The following RFX8 variants were observed in gnomAD, a reference collection of about 807,000 sequenced individuals.
The protein encoded by RFX8 is regulatory factor X8.
Under a neutral mutation model 54.6 loss-of-function variants are expected in RFX8, and 46 were observed. The ratio of observed to expected loss-of-function variants is 0.84; its 90% confidence interval spans 0.67 to 1.08. The LOEUF (loss-of-function observed/expected upper bound fraction) is 1.08. Among genes scored for constraint, RFX8 ranks in the 50% least tolerant of loss-of-function variants. The pLI is 0.00. For missense variants in RFX8, 536 were observed against 562.3 expected, an observed-to-expected ratio of 0.95 and a Z score of 0.47; for synonymous variants, 192 against 209.5, an observed-to-expected ratio of 0.92 and a Z score of 0.72.
At chr2:101,464,532 C>T (rs967855281) in intron 2 of RFX8, among the ~76,000 whole-genome samples, 1 of 152,142 alleles carries the variant, frequency 6.6e-6, no homozygotes, top group Non-Finnish European at 1.5e-5. Flanking sequence ...TGTAAACATA[C>T]GTTGGGATCA....
intron 2 of RFX8, among the ~76,000 whole-genome samples, chr2:101,434,139 A>T (rs1252814340): frequency 2.0e-5 from 3 of 152,330 alleles, no homozygotes; most frequent in Non-Finnish European, 2.9e-5. Context: ...GGACAAACAG[A>T]ATTCACAGAG....
At chr2:101,409,367 C>T (rs533381306) in intron 9 of RFX8, among the ~76,000 whole-genome samples, 26 of 150,746 alleles carry the variant, frequency 1.7e-4, no homozygotes, top group East Asian at 9.9e-4. Context: ...GGACTACAGG[C>T]GCATGACATC....
At chr2:101,409,686 G>T (rs893183696) in intron 9 of RFX8, among the ~76,000 whole-genome samples, 1 of 152,194 alleles carries the variant, frequency 6.6e-6, no homozygotes, top group African/African-American at 2.4e-5. Context: ...TTTTAGGAGA[G>T]ACAGGGTTTC....
chr2:101,426,709 G>T (rs976380385), intron 2 of RFX8, among the ~76,000 whole-genome samples: 1 of 152,094 alleles, frequency 6.6e-6, no homozygotes, highest in Non-Finnish European at 1.5e-5. Flanking sequence ...ATTCTTTAGT[G>T]AGCATGCACT....
rs563535769 is a variant in RFX8 at position 101,468,278 on chromosome 2, G to A, written c.-52-1378C>T. 2.4e-4 allele frequency among the ~76,000 whole-genome samples: 36 copies of A among 152,236 alleles called. No individual in the cohort carries two copies. In the South Asian group the frequency reaches 7.5e-3, roughly 32 times the overall value. ...TAAAAATCCAAGTGCCAGCAAGGTC[G>A]GTTCCTTCCAGAGGCTCTGAGGGAG... On this transcript the variant is annotated intron_variant, in intron 1 of 11. Transcript: ENST00000428343.
At chr2:101,457,541 G>A (rs1464078489) in intron 2 of RFX8, among the ~76,000 whole-genome samples, 1 of 152,132 alleles carries the variant, frequency 6.6e-6, no homozygotes, top group Non-Finnish European at 1.5e-5. Flanking sequence ...TTATTCCTGA[G>A]TTCTAATTTG....
chr2:101,409,003 C>G (rs747050240), intron 9 of RFX8, among the ~76,000 whole-genome samples: 5 of 152,230 alleles, frequency 3.3e-5, no homozygotes, highest in Non-Finnish European at 5.9e-5. Context: ...CTCTCTCCAC[C>G]AGTGTGGACT....
At chr2:101,446,484 ATTATT>A (rs1688387607) in intron 2 of RFX8, among the ~76,000 whole-genome samples, 3 of 11,314 alleles carry the variant, frequency 2.7e-4, no homozygotes, top group Non-Finnish European at 1.6e-3. Flanking sequence ...AAGTTGATCA[ATTATT>A]AAGTATATGC....
chr2:101,399,528 A>G (rs1330997675), intron 11 of RFX8, among the ~76,000 whole-genome samples: 1 of 152,198 alleles, frequency 6.6e-6, no homozygotes, highest in Non-Finnish European at 1.5e-5. Context: ...ATATAGGTCA[A>G]ACCTCTTTGC....
chr2:101,469,136 A>ACGT (rs1176824096), intron 1 of RFX8, among the ~76,000 whole-genome samples: 1 of 130,652 alleles, frequency 7.7e-6, no homozygotes, highest in Admixed American at 8.1e-5. Context: ...ATATATATAT[A>ACGT]AGTATATATA....
chr2:101,424,037 G>A (rs929649591), intron 2 of RFX8, among the ~76,000 whole-genome samples: 4 of 152,292 alleles, frequency 2.6e-5, no homozygotes, highest in Non-Finnish European at 5.9e-5. Context: ...ACAATATTAT[G>A]AAGATGCCAC....
chr2:101,421,636 C>G (rs1686869268), intron 4 of RFX8, 88 bp downstream of exon 4: 2 of 1,497,318 alleles, frequency 1.3e-6, no homozygotes, highest in African/African-American at 1.4e-5. Flanking sequence ...TTGACGGGGT[C>G]TCTTCAAATA....
chr2:101,453,843 G>A (rs1042500553), intron 2 of RFX8, among the ~76,000 whole-genome samples: 4 of 152,050 alleles, frequency 2.6e-5, no homozygotes, highest in Admixed American at 6.6e-5. Flanking sequence ...TCCAACCTGT[G>A]AGAATGCTAT....
intron 11 of RFX8, among the ~76,000 whole-genome samples, chr2:101,401,249 TC>T (rs1685426980): frequency 6.6e-6 from 1 of 152,176 alleles, no homozygotes; most frequent in Non-Finnish European, 1.5e-5. Context: ...GAGATGCATT[TC>T]CCCGGCTCCT....
At chr2:101,418,266 G>A (rs1034977850) in intron 5 of RFX8, among the ~76,000 whole-genome samples, 1 of 152,084 alleles carries the variant, frequency 6.6e-6, no homozygotes. Context: ...AATATTAGGT[G>A]GGTCAAACCA....
intron 8 of RFX8, among the ~76,000 whole-genome samples, chr2:101,411,290 A>T (rs1573367197): frequency 6.6e-6 from 1 of 152,160 alleles, no homozygotes; most frequent in Non-Finnish European, 1.5e-5. Flanking sequence ...AGTTTGGAAA[A>T]CTGAGTCGGT....
At chr2:101,413,660 G>T (rs1380244717) in intron 7 of RFX8, among the ~76,000 whole-genome samples, 1 of 152,198 alleles carries the variant, frequency 6.6e-6, no homozygotes, top group African/African-American at 2.4e-5. Context: ...GGGGCGTGAA[G>T]TAACTTTCCT....
At chr2:101,412,076 A>G (rs1276548960) in intron 8 of RFX8, among the ~76,000 whole-genome samples, 1 of 152,192 alleles carries the variant, frequency 6.6e-6, no homozygotes, top group Non-Finnish European at 1.5e-5. Context: ...AGTACTACCA[A>G]GGAGTTATGC....
intron 1 of RFX8, 72 bp downstream of exon 1, chr2:101,474,564 T>C: frequency 3.4e-6 from 1 of 292,586 alleles, no homozygotes. Flanking sequence ...TGCCTCCCGC[T>C]CTCACCCAGC....
Sources: gnomAD v4.1 joint callset for allele counts (sites outside exome capture counted in the v4.1 genomes callset) on GRCh38, gnomAD v4.1.1 for gene constraint, MANE v1.5 for transcripts, NCBI Gene and HGNC (gene_info 2026-07-23, HGNC 2026-07-21) for gene names.